ARHGAP8: variants seen among roughly 807,000 people sequenced by gnomAD.
The protein encoded by ARHGAP8 is rho GTPase-activating protein 8.
ARHGAP8 carries 62 observed loss-of-function variants against 46.1 expected under a neutral mutation model. The ratio of observed to expected loss-of-function variants is 1.34; its 90% CI spans 1.10 to 1.66. ARHGAP8 has a LOEUF of 1.66. ARHGAP8 is among the 40% of genes most tolerant of loss of function. The pLI, the probability that ARHGAP8 is intolerant of heterozygous loss-of-function variation, is 0.00. For missense variants in ARHGAP8, 923 were observed against 568.4 expected, an observed-to-expected ratio of 1.62 and a Z score of -6.34; for synonymous variants, 375 against 243.1, an observed-to-expected ratio of 1.54 and a Z score of -5.05.
intron 3 of ARHGAP8, among the ~76,000 whole-genome samples, chr22:44,805,572 CA>C (rs1323341517): frequency 3.3e-5 from 5 of 151,950 alleles, no homozygotes; most frequent in African/African-American, 1.2e-4. Context: ...GCATGGCTTC[CA>C]TGAACAGTTG....
chr22:44,846,497 C>G (rs530523484), intron 8 of ARHGAP8, among the ~76,000 whole-genome samples: 1 of 152,188 alleles, frequency 6.6e-6, no homozygotes, highest in Non-Finnish European at 1.5e-5. Flanking sequence ...AACCCCAGAC[C>G]CTGCGGCCCC....
At chr22:44,810,871 G>GGAGCC (rs1194273848) in intron 4 of ARHGAP8, among the ~76,000 whole-genome samples, 4 of 152,190 alleles carry the variant, frequency 2.6e-5, no homozygotes, top group Non-Finnish European at 5.9e-5. Flanking sequence ...GAGGCAGCAG[G>GGAGCC]GAGCCATGGC....
chr22:44,856,793 A>T (rs553924854), intron 10 of ARHGAP8, among the ~76,000 whole-genome samples: 1 of 144,254 alleles, frequency 6.9e-6, no homozygotes, highest in East Asian at 2.0e-4. Flanking sequence ...CCTCGAGATC[A>T]GATGCGCTGA....
Position 44,786,548 on chromosome 22 carries a change from G to A in ARHGAP8, c.21G>A (p.Ala7=), listed in dbSNP as rs78416612. ...TGCCCATGGCTGGCCAGGATCCTGC[G>A]CTGAGCACGAGTCACCCGTTCTACG... MAGQDP[A]LSTSHPFYDV... The change falls in exon 2 of 12, where the codon GCG becomes GCA. Residue 7 remains alanine, a synonymous_variant. Transcript: ENST00000356099. 5.5e-4 allele frequency: 886 copies of A among 1,613,266 alleles called. 9 individuals are homozygous for A. In the African/African-American group the frequency reaches 9.9e-3, roughly 18 times the overall value.
chr22:44,755,576 C>T (rs557008920), intron 1 of ARHGAP8, among the ~76,000 whole-genome samples: 14 of 152,300 alleles, frequency 9.2e-5, no homozygotes, highest in African/African-American at 3.1e-4. Context: ...CAGGAGAGCG[C>T]GCTGCTCCGG....
intron 10 of ARHGAP8, 23 bp from the exon 11 acceptor site, chr22:44,859,708 C>A: frequency 6.2e-7 from 1 of 1,610,822 alleles, no homozygotes; most frequent in Non-Finnish European, 8.5e-7. Flanking sequence ...TGGAGCTCAG[C>A]AGGGAGCCCC....
intron 7 of ARHGAP8, among the ~76,000 whole-genome samples, chr22:44,837,170 C>T (rs2147143996): frequency 6.6e-6 from 1 of 152,370 alleles, no homozygotes; most frequent in East Asian, 1.9e-4. Flanking sequence ...CAGGCGTGAG[C>T]CACTGCACCC....
chr22:44,833,541 T>C (rs1931101283), intron 7 of ARHGAP8, among the ~76,000 whole-genome samples: 1 of 152,202 alleles, frequency 6.6e-6, no homozygotes, highest in South Asian at 2.1e-4. Context: ...GTGTATAATC[T>C]TTTTCATATA....
At chr22:44,859,548 C>T (rs550621215) in intron 10 of ARHGAP8, 183 bp from the exon 11 acceptor site, 15 of 624,964 alleles carry the variant, frequency 2.4e-5, no homozygotes, top group African/African-American at 2.4e-4. Context: ...CAAGAATAGC[C>T]AAACACACAG....
chr22:44,840,597 A>G (rs986358892), intron 7 of ARHGAP8, among the ~76,000 whole-genome samples: 2 of 152,186 alleles, frequency 1.3e-5, no homozygotes, highest in African/African-American at 4.8e-5. Context: ...TGAGTCTAAG[A>G]TCAAGGTGCC....
chr22:44,805,398 T>C (rs1928856452), intron 3 of ARHGAP8, among the ~76,000 whole-genome samples: 1 of 152,204 alleles, frequency 6.6e-6, no homozygotes, highest in South Asian at 2.1e-4. Flanking sequence ...TTGCACAGCT[T>C]TGTGAATGTA....
chr22:44,764,803 T>TA (rs561665031), intron 1 of ARHGAP8, among the ~76,000 whole-genome samples: 1 of 152,330 alleles, frequency 6.6e-6, no homozygotes, highest in South Asian at 2.1e-4. Context: ...CAATAGCAGT[T>TA]ACGTGTGCGC....
At chr22:44,768,209 C>A (rs1319952144) in intron 1 of ARHGAP8, among the ~76,000 whole-genome samples, 1 of 151,804 alleles carries the variant, frequency 6.6e-6, no homozygotes, top group African/African-American at 2.4e-5. Flanking sequence ...GTTGGTCAGG[C>A]TGGTCTCGAA....
At chr22:44,860,193 G>GTACAGAGCCCAGTGA (rs1214872720) in intron 11 of ARHGAP8, among the ~76,000 whole-genome samples, 1 of 152,112 alleles carries the variant, frequency 6.6e-6, no homozygotes, top group Non-Finnish European at 1.5e-5. Context: ...GAGCCCAGTG[G>GTACAGAGCCCAGTGA]ACTGAGCTGA....
chr22:44,826,474 G>T (rs114690563), intron 7 of ARHGAP8, among the ~76,000 whole-genome samples: 17 of 152,216 alleles, frequency 1.1e-4, no homozygotes, highest in African/African-American at 3.9e-4. Context: ...TCTCAGGCAG[G>T]AGTGCAGTGG....
chr22:44,849,201 AAG>A (rs1422184211), intron 10 of ARHGAP8, 141 bp downstream of exon 10: 11 of 1,486,872 alleles, frequency 7.4e-6, no homozygotes, highest in Non-Finnish European at 9.9e-6. Flanking sequence ...ACTGCAGGGC[AAG>A]AGAGGGGGTT....
intron 1 of ARHGAP8, among the ~76,000 whole-genome samples, chr22:44,784,261 G>T (rs1236858237): frequency 1.3e-5 from 2 of 152,088 alleles, no homozygotes; most frequent in Non-Finnish European, 2.9e-5. Flanking sequence ...AAAATTAGCT[G>T]AGCGTGGTGG....
intron 6 of ARHGAP8, among the ~76,000 whole-genome samples, chr22:44,823,387 G>A (rs1930293632): frequency 1.3e-5 from 2 of 152,142 alleles, no homozygotes; most frequent in Non-Finnish European, 1.5e-5. Flanking sequence ...GAAGAGGCCA[G>A]GGAAGCACAT....
intron 1 of ARHGAP8, among the ~76,000 whole-genome samples, chr22:44,761,692 T>A (rs1925143036): frequency 2.0e-5 from 3 of 152,120 alleles, no homozygotes; most frequent in African/African-American, 7.2e-5. Context: ...CATGCTCCTG[T>A]TTGGAAAGAG....
Sources: gnomAD v4.1 joint callset for allele counts (sites outside exome capture counted in the v4.1 genomes callset) on GRCh38, gnomAD v4.1.1 for gene constraint, MANE v1.5 for transcripts, NCBI Gene and HGNC (gene_info 2026-07-23, HGNC 2026-07-21) for gene names.